The following KMT2C variants were observed in gnomAD, a reference collection of about 807,000 sequenced individuals.
KMT2C encodes lysine methyltransferase 2C, also known as histone-lysine N-methyltransferase 2C.
In KMT2C, 88 loss-of-function variants were observed where a neutral mutation model predicts 507.9. That is an observed-to-expected ratio of 0.17 (90% confidence interval 0.15 to 0.21). The LOEUF (loss-of-function observed/expected upper bound fraction) is 0.21, where lower values mean the gene tolerates loss of function less well. KMT2C is among the 10% of genes least tolerant of loss of function. KMT2C has a pLI of 1.00. For missense variants in KMT2C, 4,954 were observed against 5,957.8 expected, an observed-to-expected ratio of 0.83 and a Z score of 5.55; for synonymous variants, 2,049 against 2,080.8, an observed-to-expected ratio of 0.98 and a Z score of 0.42.
rs968516329 is a variant in KMT2C, at chr7:152,259,452, A to ACGCGCGCG, written c.1299+3563_1299+3564insCGCGCGCG. Among the ~76,000 whole-genome samples, 10 of 122,394 alleles carry ACGCGCGCG rather than the reference A, an allele frequency of 8.2e-5. 1 individual carries two copies. The highest frequency in any genetic ancestry group is 4.0e-4 in the African/African-American group (10 of 24,788). 80.3% of individuals were successfully genotyped at this position (122,394 alleles called of 152,430 possible). On this transcript the variant is annotated intron_variant, in intron 9 of 58. Transcript: ENST00000262189. ...AACACAGACACACACACGCGCACAC[A>ACGCGCGCG]CACACACACACACACACACACACAC...
chr7:152,338,613 C>G (rs1289108354), intron 2 of KMT2C, among the ~76,000 whole-genome samples: 7 of 152,162 alleles, frequency 4.6e-5, no homozygotes, highest in African/African-American at 1.7e-4. Context: ...TAACATCTAA[C>G]ATATTTTCTT....
At chr7:152,254,220 A>T (rs976842517) in intron 9 of KMT2C, among the ~76,000 whole-genome samples, 7 of 152,140 alleles carry the variant, frequency 4.6e-5, no homozygotes, top group Admixed American at 3.9e-4. Context: ...GGTAGAATTC[A>T]GCCTGGGCAA....
intron 3 of KMT2C, among the ~76,000 whole-genome samples, chr7:152,323,734 AGAAG>A (rs1409425017): frequency 1.4e-4 from 20 of 138,724 alleles, no homozygotes; most frequent in African/African-American, 5.2e-4. Context: ...ACGAAGGGAG[AGAAG>A]GAAGGAAAAA....
chr7:152,312,145 T>G, intron 4 of KMT2C, 199 bp from the exon 5 acceptor site: 1 of 378,658 alleles, frequency 2.6e-6, no homozygotes, highest in Non-Finnish European at 4.7e-6. Flanking sequence ...ATCGTATAAG[T>G]AACAAGTAAG....
intron 6 of KMT2C, among the ~76,000 whole-genome samples, chr7:152,304,216 A>G (rs1478644386): frequency 6.6e-6 from 1 of 152,158 alleles, no homozygotes; most frequent in Non-Finnish European, 1.5e-5. Flanking sequence ...TATGGCTCTC[A>G]TAGGTTTAAA....
intron 3 of KMT2C, among the ~76,000 whole-genome samples, chr7:152,330,353 A>C (rs547005001): frequency 5.9e-5 from 9 of 152,116 alleles, no homozygotes; most frequent in Non-Finnish European, 1.3e-4. Flanking sequence ...CATTGGTAAT[A>C]TTCTGTACTG....
chr7:152,414,200 ACT>A (rs973125763), intron 1 of KMT2C, among the ~76,000 whole-genome samples: 5 of 147,732 alleles, frequency 3.4e-5, no homozygotes, highest in African/African-American at 1.0e-4. Flanking sequence ...ACATAGTGAG[ACT>A]CTGTTTCAAA....
intron 2 of KMT2C, among the ~76,000 whole-genome samples, chr7:152,350,263 TAAATA>T (rs1403835819): frequency 1.3e-5 from 2 of 152,066 alleles, no homozygotes; most frequent in African/African-American, 4.8e-5. Flanking sequence ...AAAAAATAAA[TAAATA>T]AAATAAAGTC....
intron 51 of KMT2C, among the ~76,000 whole-genome samples, chr7:152,149,722 G>A (rs543285637): frequency 1.3e-5 from 2 of 152,212 alleles, no homozygotes; most frequent in Admixed American, 1.3e-4. Flanking sequence ...GCTCTGATCC[G>A]GCTGCTGAAA....
intron 6 of KMT2C, among the ~76,000 whole-genome samples, chr7:152,301,493 G>GCA (rs2096567909): frequency 6.6e-6 from 1 of 151,944 alleles, no homozygotes; most frequent in African/African-American, 2.4e-5. Flanking sequence ...CGCTGACAGT[G>GCA]TGAGACTCCA....
intron 3 of KMT2C, among the ~76,000 whole-genome samples, chr7:152,319,300 C>T (rs373361358): frequency 6.6e-6 from 1 of 152,078 alleles, no homozygotes; most frequent in African/African-American, 2.4e-5. Context: ...GTAGCAATTA[C>T]TCTTTATTCC....
At chr7:152,367,375 C>T (rs1272818561) in intron 1 of KMT2C, 3 of 711,890 alleles carry the variant, frequency 4.2e-6, no homozygotes, top group Admixed American at 4.5e-5. Flanking sequence ...ACCAGGGGCA[C>T]CCCCGGCTGG....
intron 1 of KMT2C, among the ~76,000 whole-genome samples, chr7:152,371,744 G>C (rs1341787918): frequency 6.6e-6 from 1 of 151,952 alleles, no homozygotes; most frequent in Non-Finnish European, 1.5e-5. Context: ...CACCTGAGTA[G>C]CTAGGATTAC....
chr7:152,382,027 C>A (rs76145327), intron 1 of KMT2C, among the ~76,000 whole-genome samples: 1 of 112,584 alleles, frequency 8.9e-6, no homozygotes, highest in African/African-American at 3.3e-5. Context: ...TATGGTTGCC[C>A]GTAACATACC....
At position 152,207,374 on chromosome 7, in the gene KMT2C, G is replaced by A. The variant is rs2129138561; in HGVS notation, c.3767C>T (p.Ala1256Val). The change falls in exon 24 of 59, where the codon GCT (alanine) becomes GTT (valine). Residue 1256 changes from alanine (A) to valine (V), a missense_variant. By Grantham distance (64) the Ala-to-Val change is moderately conservative. Coordinates refer to ENST00000262189, the MANE Select transcript of KMT2C (RefSeq NM_170606.3). ...CACTCCCTTAGTTTCATCATCCACAGCTTCCCGCTCAGGACTAGATTCTGA... is the reference window on the plus strand; with the variant it reads ...CACTCCCTTAGTTTCATCATCCACAACTTCCCGCTCAGGACTAGATTCTGA... The part of the protein sequence containing the change: ...GKSESSPERE[A>V]VDDETKGVEG... 1 of 1,611,284 alleles carries A rather than the reference G, an allele frequency of 6.2e-7. No individual in the cohort carries two copies. The highest frequency in any genetic ancestry group is 8.5e-7 in the Non-Finnish European group (1 of 1,178,662).
chr7:152,384,836 A>G (rs369696636), intron 1 of KMT2C, among the ~76,000 whole-genome samples: 54 of 118,334 alleles, frequency 4.6e-4, no homozygotes, highest in Admixed American at 1.1e-3. Context: ...GAACAGTTAC[A>G]CTGGGCAACC....
At chr7:152,296,889 C>T (rs921293658) in intron 6 of KMT2C, among the ~76,000 whole-genome samples, 3 of 151,580 alleles carry the variant, frequency 2.0e-5, no homozygotes, top group Non-Finnish European at 4.4e-5. Flanking sequence ...CCTGTAATCC[C>T]AGCACTTTCA....
At chr7:152,245,847 C>G (rs1255363459) in intron 14 of KMT2C, among the ~76,000 whole-genome samples, 1 of 151,976 alleles carries the variant, frequency 6.6e-6, no homozygotes, top group Non-Finnish European at 1.5e-5. Context: ...TAATGTTCAA[C>G]AAAATATGAA....
chr7:152,323,107 A>C (rs1176202426), intron 3 of KMT2C, among the ~76,000 whole-genome samples: 1 of 152,062 alleles, frequency 6.6e-6, no homozygotes, highest in Non-Finnish European at 1.5e-5. Flanking sequence ...CATTATGGAA[A>C]ATGGTAAAGA....
Sources: gnomAD v4.1 joint callset for allele counts (sites outside exome capture counted in the v4.1 genomes callset) on GRCh38, gnomAD v4.1.1 for gene constraint, MANE v1.5 for transcripts, NCBI Gene and HGNC (gene_info 2026-07-23, HGNC 2026-07-21) for gene names.